The following MARCHF1 variants were observed in gnomAD, a reference collection of about 807,000 sequenced individuals.
MARCHF1 encodes E3 ubiquitin-protein ligase MARCHF1.
In MARCHF1, 40 loss-of-function variants were observed where a neutral mutation model predicts 54.2. The observed-to-expected ratio is 0.74, with a 90% CI of 0.57 to 0.96. The LOEUF is 0.96. Among genes scored for constraint, MARCHF1 ranks in the 40% least tolerant of loss-of-function variants. MARCHF1 has a pLI of 0.00. For synonymous variants in MARCHF1, 236 were observed against 236.3 expected (o/e 1.00, Z 0.01); for missense variants, 586 against 656.5 (o/e 0.89, Z 1.17).
At chr4:164,006,822 G>A (rs892231419) in intron 2 of MARCHF1, among the ~76,000 whole-genome samples, 5 of 151,682 alleles carry the variant, frequency 3.3e-5, no homozygotes, top group East Asian at 1.9e-4. Context: ...GAACATTTAC[G>A]TAGTAGACAA....
At chr4:164,366,468 T>G (rs575205059) in intron 1 of MARCHF1, among the ~76,000 whole-genome samples, 2 of 152,132 alleles carry the variant, frequency 1.3e-5, no homozygotes, top group Admixed American at 1.3e-4. Flanking sequence ...TTTTCTGTGT[T>G]GCATACATTC....
At chr4:163,652,237 T>C (rs1268484991) in intron 5 of MARCHF1, among the ~76,000 whole-genome samples, 1 of 151,860 alleles carries the variant, frequency 6.6e-6, no homozygotes, top group Non-Finnish European at 1.5e-5. Flanking sequence ...CAAACTGACA[T>C]TATCTCAACA....
chr4:164,250,628 G>T (rs1054767138), intron 1 of MARCHF1, among the ~76,000 whole-genome samples: 3 of 151,908 alleles, frequency 2.0e-5, no homozygotes, highest in Admixed American at 2.0e-4. Flanking sequence ...CTCATCCCAG[G>T]TTGATTAAAT....
chr4:163,828,533 TAA>T (rs1748920480), intron 4 of MARCHF1, among the ~76,000 whole-genome samples: 1 of 152,126 alleles, frequency 6.6e-6, no homozygotes, highest in Admixed American at 6.5e-5. Flanking sequence ...ATGAATGTGT[TAA>T]GAGTTCTTTT....
chr4:164,096,568 A>G (rs1381461956), intron 2 of MARCHF1, among the ~76,000 whole-genome samples: 1 of 125,696 alleles, frequency 8.0e-6, no homozygotes, highest in Non-Finnish European at 1.7e-5. Context: ...TGTATCTAAA[A>G]TTAAAAAAAA....
chr4:164,225,563 G>A (rs1732228146), intron 1 of MARCHF1, among the ~76,000 whole-genome samples: 1 of 151,978 alleles, frequency 6.6e-6, no homozygotes, highest in South Asian at 2.1e-4. Context: ...GTGTATTAAA[G>A]ACCAAATGGC....
At chr4:163,623,724 T>C (rs1249563194) in intron 5 of MARCHF1, among the ~76,000 whole-genome samples, 1 of 152,216 alleles carries the variant, frequency 6.6e-6, no homozygotes, top group African/African-American at 2.4e-5. Context: ...TCCTTACTAA[T>C]TTCATTACTG....
chr4:164,044,429 A>C (rs1385146172), intron 2 of MARCHF1, among the ~76,000 whole-genome samples: 1 of 152,080 alleles, frequency 6.6e-6, no homozygotes, highest in Admixed American at 6.6e-5. Flanking sequence ...ACTTTTAAAC[A>C]ACCATATCTT....
chr4:163,862,877 G>A (rs781651606), intron 3 of MARCHF1, among the ~76,000 whole-genome samples: 9 of 152,028 alleles, frequency 5.9e-5, no homozygotes, highest in Admixed American at 1.3e-4. Flanking sequence ...ATATTATTCA[G>A]TAATTAAAGG....
chr4:163,703,696 T>C (rs1409312884), intron 4 of MARCHF1, among the ~76,000 whole-genome samples: 2 of 152,132 alleles, frequency 1.3e-5, no homozygotes, highest in Admixed American at 1.3e-4. Flanking sequence ...TAATGTTGGA[T>C]TTCAGCATGT....
At chr4:163,543,289 C>A (rs1738781116) in intron 9 of MARCHF1, among the ~76,000 whole-genome samples, 1 of 151,650 alleles carries the variant, frequency 6.6e-6, no homozygotes, top group African/African-American at 2.4e-5. Context: ...GGATGGTAGC[C>A]ATAGGGAAGG....
At chr4:163,992,946 A>G (rs1362118790) in intron 2 of MARCHF1, among the ~76,000 whole-genome samples, 2 of 152,008 alleles carry the variant, frequency 1.3e-5, no homozygotes, top group Non-Finnish European at 2.9e-5. Context: ...GGAAACCTGG[A>G]TTGAATGGGT....
At chr4:164,055,875 C>T (rs549206386) in intron 2 of MARCHF1, among the ~76,000 whole-genome samples, 75 of 152,182 alleles carry the variant, frequency 4.9e-4, no homozygotes, top group Non-Finnish European at 1.0e-3. Flanking sequence ...TAGATTATTG[C>T]TTTTTGTTTA....
intron 1 of MARCHF1, chr4:164,188,270 G>A (rs996831309): frequency 2.7e-5 from 8 of 291,662 alleles, no homozygotes; most frequent in African/African-American, 1.5e-4. Context: ...CCGACCGACC[G>A]ACTGGGGTGT....
intron 7 of MARCHF1, among the ~76,000 whole-genome samples, chr4:163,610,102 C>T (rs933493845): frequency 2.0e-5 from 3 of 152,022 alleles, no homozygotes; most frequent in African/African-American, 4.8e-5. Context: ...AGTACCTCTT[C>T]TTCTTTAGGG....
rs115810393 is a variant in MARCHF1 at position 164,094,688 on chromosome 4, T to G, written c.-248+16900A>C. ...TAGTTTAAGAATATGAAACCAAATA[T>G]TCAAAGCAAACTTCAGGAAAATTGA... On this transcript the variant is annotated intron_variant, in intron 2 of 9. Transcript: ENST00000514618. 4.8e-3 allele frequency among the ~76,000 whole-genome samples: 738 copies of G among 152,212 alleles called. 7 individuals carry two copies. Among genetic ancestry groups the G allele is most frequent in the African/African-American group, 0.017 (700 of 41,554 alleles).
chr4:164,360,827 A>G (rs1283435980), intron 1 of MARCHF1, among the ~76,000 whole-genome samples: 1 of 152,134 alleles, frequency 6.6e-6, no homozygotes, highest in Non-Finnish European at 1.5e-5. Flanking sequence ...ATTCTATAGT[A>G]AAAGAAATAA....
chr4:163,862,044 T>C (rs28837200), intron 3 of MARCHF1, among the ~76,000 whole-genome samples: 2,896 of 152,188 alleles, frequency 0.019, 115 homozygotes, highest in East Asian at 0.15. Context: ...ACAGATCTTA[T>C]ACTTTTCACA....
chr4:163,533,485 C>G (rs1014431836), intron 9 of MARCHF1, among the ~76,000 whole-genome samples: 1 of 151,688 alleles, frequency 6.6e-6, no homozygotes, highest in Non-Finnish European at 1.5e-5. Flanking sequence ...AGAGTGAGCC[C>G]CAATGTAACT....
Sources: allele counts gnomAD v4.1 joint callset (sites outside exome capture counted in the v4.1 genomes callset), GRCh38; gene constraint gnomAD v4.1.1; transcripts MANE v1.5; gene names NCBI Gene and HGNC (gene_info 2026-07-23, HGNC 2026-07-21).